The following PAN3 variants were observed in gnomAD, a reference collection of about 807,000 sequenced individuals.
PAN3 encodes poly(A) specific ribonuclease subunit PAN3.
Under a neutral mutation model 96.2 loss-of-function variants are expected in PAN3, and 19 were observed. The ratio of observed to expected loss-of-function variants is 0.20; its 90% CI spans 0.14 to 0.29. PAN3 has a LOEUF of 0.29. Among genes scored for constraint, PAN3 ranks in the 10% least tolerant of loss-of-function variants. The pLI, the probability that PAN3 is intolerant of heterozygous loss-of-function variation, is 1.00. For synonymous variants in PAN3, 433 were observed against 406.6 expected (o/e 1.06, Z -0.78); for missense variants, 882 against 1,108.1 (o/e 0.80, Z 2.90).
At chr13:28,275,073 A>G (rs1404175357) in intron 14 of PAN3, among the ~76,000 whole-genome samples, 1 of 152,168 alleles carries the variant, frequency 6.6e-6, no homozygotes, top group African/African-American at 2.4e-5. Flanking sequence ...ATGGGGGGAA[A>G]CCAGATGGAG....
Position 28,266,778 on chromosome 13 carries a change from A to C in PAN3, c.1475A>C (p.Asn492Thr), listed in dbSNP as rs774911720. Residue 492 changes from asparagine (N) to threonine (T), a missense_variant, in exon 10 of 19, where the codon AAC becomes ACC. Transcript: ENST00000380958. ...LFPLEPLPPP[N>T]RIQKSSNFGY... ...CCTCTAGAACCACTGCCACCTCCCA[A>C]CCGGATACAGAAATCAAGTAATTTT... is the stretch of plus-strand genomic sequence containing the variant. 1 of 1,610,154 alleles carries C rather than the reference A, an allele frequency of 6.2e-7. No individual in the cohort carries two copies. The highest frequency in any genetic ancestry group is 1.3e-5 in the African/African-American group (1 of 74,804).
intron 6 of PAN3, among the ~76,000 whole-genome samples, chr13:28,225,226 G>A (rs1881866772): frequency 6.6e-6 from 1 of 151,862 alleles, no homozygotes; most frequent in Non-Finnish European, 1.5e-5. Context: ...AAAGGGAAGG[G>A]AAAGAAAAAG....
chr13:28,216,970 C>G (rs566243896), intron 5 of PAN3, among the ~76,000 whole-genome samples: 2 of 151,562 alleles, frequency 1.3e-5, no homozygotes, highest in African/African-American at 4.8e-5. Flanking sequence ...AAAAATTAGC[C>G]GGGTGCGGTG....
intron 5 of PAN3, among the ~76,000 whole-genome samples, chr13:28,217,572 T>G (rs950792093): frequency 2.0e-5 from 3 of 149,826 alleles, no homozygotes; most frequent in Non-Finnish European, 4.4e-5. Flanking sequence ...CAGAGTGAGA[T>G]TCTGTCTCAA....
At chr13:28,213,130 GA>G (rs1233024159) in intron 5 of PAN3, among the ~76,000 whole-genome samples, 4 of 151,180 alleles carry the variant, frequency 2.6e-5, no homozygotes, top group Non-Finnish European at 4.4e-5. Context: ...ACCGGGGGAA[GA>G]AAAAAAACCC....
At chr13:28,185,607 CT>C (rs144713143) in intron 4 of PAN3, among the ~76,000 whole-genome samples, 15 of 150,400 alleles carry the variant, frequency 1.0e-4, no homozygotes, top group African/African-American at 2.7e-4. Flanking sequence ...TTTTGGAAGC[CT>C]TTTTTTTTAA....
chr13:28,166,312 C>T (rs1215406379), intron 1 of PAN3, among the ~76,000 whole-genome samples: 3 of 152,136 alleles, frequency 2.0e-5, no homozygotes, highest in African/African-American at 7.2e-5. Flanking sequence ...TAGCAGATCC[C>T]AAGAAAGCCC....
chr13:28,228,749 A>G (rs770208453), intron 6 of PAN3, among the ~76,000 whole-genome samples: 3 of 152,182 alleles, frequency 2.0e-5, no homozygotes, highest in Non-Finnish European at 4.4e-5. Context: ...GTGTCAGTGT[A>G]TTCATCAGCT....
At chr13:28,163,156 C>G (rs1227795910) in intron 1 of PAN3, among the ~76,000 whole-genome samples, 1 of 151,456 alleles carries the variant, frequency 6.6e-6, no homozygotes, top group Non-Finnish European at 1.5e-5. Flanking sequence ...AGTTCGAGAC[C>G]AGCAACATAA....
At chr13:28,231,112 C>CA (rs1394961185) in intron 6 of PAN3, among the ~76,000 whole-genome samples, 4 of 152,154 alleles carry the variant, frequency 2.6e-5, no homozygotes, top group Non-Finnish European at 5.9e-5. Context: ...TATTATAGGC[C>CA]AGTGGGTAAG....
chr13:28,190,598 G>C (rs1242658829), intron 4 of PAN3, among the ~76,000 whole-genome samples: 1 of 152,116 alleles, frequency 6.6e-6, no homozygotes, highest in Non-Finnish European at 1.5e-5. Context: ...GGGTGTATTA[G>C]TCCATTTTGA....
chr13:28,289,451 TC>T (rs1470773412), intron 18 of PAN3, among the ~76,000 whole-genome samples: 2 of 152,246 alleles, frequency 1.3e-5, no homozygotes, highest in East Asian at 3.9e-4. Context: ...CTAATTTTTG[TC>T]CTTTTGGTCG....
intron 15 of PAN3, 116 bp downstream of exon 15, chr13:28,277,492 C>T (rs961474624): frequency 1.2e-4 from 117 of 975,838 alleles, no homozygotes; most frequent in East Asian, 5.3e-4. Context: ...AAAACAGAAA[C>T]TTTATGTCTT....
intron 5 of PAN3, among the ~76,000 whole-genome samples, chr13:28,219,960 A>G (rs1285232266): frequency 1.3e-5 from 2 of 152,224 alleles, no homozygotes; most frequent in Non-Finnish European, 2.9e-5. Flanking sequence ...TAGTTTGGTA[A>G]TGATGCATGC....
chr13:28,214,079 C>T (rs1002884495), intron 5 of PAN3, among the ~76,000 whole-genome samples: 1 of 152,014 alleles, frequency 6.6e-6, no homozygotes, highest in African/African-American at 2.4e-5. Flanking sequence ...CAAAGCAATA[C>T]CCTGTCTCCA....
intron 4 of PAN3, among the ~76,000 whole-genome samples, chr13:28,195,403 C>T (rs984138314): frequency 6.6e-6 from 1 of 151,496 alleles, no homozygotes. Flanking sequence ...GACACTGTCT[C>T]AAAAAGAAAA....
Position 28,257,720 on chromosome 13 carries a change from AATATATATTAT to A in PAN3, c.1248+1187_1248+1197del, listed in dbSNP as rs1885286881. On this transcript the variant is annotated intron_variant, in intron 7 of 18. Transcript: ENST00000380958. ...TATATTATATATATTATATATAATT[AATATATATTAT>A]ATATAAATTATATATAATATATAAT... Among the ~76,000 whole-genome samples, 4 of 139,116 alleles carry A rather than the reference AATATATATTAT, an allele frequency of 2.9e-5. 1 individual carries two copies. Among genetic ancestry groups the A allele is most frequent in the South Asian group, 2.2e-4 (1 of 4,574 alleles). 91.3% of individuals were successfully genotyped at this position (139,116 alleles called of 152,430 possible).
rs1872148091 is a variant in PAN3, at chr13:28,156,263, C to G, written c.430+17176C>G. On this transcript the variant is annotated intron_variant, in intron 1 of 18. Coordinates refer to ENST00000380958, the MANE Select transcript of PAN3 (RefSeq NM_175854.8). ...ACCCCACAGAAATACAAAAAACCCT[C>G]AGAGACTATTATGAACACCTCTATG... Among the ~76,000 whole-genome samples, 3 of 152,134 alleles carry G rather than the reference C, an allele frequency of 2.0e-5. No homozygotes were observed. In the South Asian group the frequency reaches 6.2e-4, roughly 32 times the overall value.
intron 5 of PAN3, among the ~76,000 whole-genome samples, chr13:28,201,634 A>T (rs767052465): frequency 6.6e-6 from 1 of 152,080 alleles, no homozygotes; most frequent in Non-Finnish European, 1.5e-5. Flanking sequence ...TCCTGGCCTC[A>T]AGTGATCCTT....
Sources: allele counts gnomAD v4.1 joint callset (sites outside exome capture counted in the v4.1 genomes callset), GRCh38; gene constraint gnomAD v4.1.1; transcripts MANE v1.5; gene names NCBI Gene and HGNC (gene_info 2026-07-23, HGNC 2026-07-21).